Variants in IRF2BPL observed in about 807,000 individuals in gnomAD.
IRF2BPL encodes the protein interferon regulatory factor 2 binding protein like, also known as probable E3 ubiquitin-protein ligase IRF2BPL.
In IRF2BPL, 13 loss-of-function variants were observed where a neutral mutation model predicts 51.2. That is an observed-to-expected ratio of 0.25 (90% CI 0.17 to 0.40). IRF2BPL has a LOEUF of 0.40. Ranked by LOEUF, IRF2BPL falls within the 10% of genes least tolerant of loss-of-function variation. The pLI is 1.00. For synonymous variants in IRF2BPL, 768 were observed against 509.2 expected, an observed-to-expected ratio of 1.51 and a Z score of -6.84; for missense variants, 1,210 against 1,111.8, an observed-to-expected ratio of 1.09 and a Z score of -1.26.
chr14:77,026,962 G>C lies in IRF2BPL; in HGVS notation c.831C>G (p.His277Gln). ...SAAVLPPPPP[H>Q]ALGSRGPPTP... ...TCGGGGGCCCACGGCTGCCCAGGGC[G>C]TGGGGAGGGGGTGGGGGGAGTACCG... Residue 277 changes from histidine (H) to glutamine (Q), a missense_variant, in exon 1 of 1, where the codon CAC becomes CAG. Physicochemically the swap from His to Gln is conservative, Grantham distance 24. Transcript: ENST00000238647. The C allele has an allele frequency of 3.4e-6, 5 of 1,466,218 alleles. No homozygotes were observed. Among genetic ancestry groups the C allele is most frequent in the Non-Finnish European group, 4.5e-6 (5 of 1,109,598 alleles). The allele number at this position is 1,466,218 out of a possible 1,614,324, so 90.8% of individuals were successfully genotyped here.
chr14:77,027,046 C>G lies in IRF2BPL; in HGVS notation c.747G>C (p.Gln249His). Residue 249 changes from glutamine (Q) to histidine (H), a missense_variant, in exon 1 of 1, where the codon CAG (glutamine) becomes CAC (histidine). Coordinates refer to ENST00000238647, the MANE Select transcript of IRF2BPL (RefSeq NM_024496.4). ...GTAGCAGGTTGGGGGGCACGGTGAG[C>G]TGGGGGCCTCCGCCACCCCCCGGGT... ...LPNPGGGGGP[Q>H]LTVPPNLLPQ... 1 of 1,557,358 alleles carries G rather than the reference C, an allele frequency of 6.4e-7. No homozygotes were observed. Among genetic ancestry groups the G allele is most frequent in the Non-Finnish European group, 8.7e-7 (1 of 1,153,330 alleles).
rs750077696 is a variant in IRF2BPL at position 77,027,430 on chromosome 14, CTGCTGCTGCTGCTGCTGCTGT to C, written c.342_362del (p.Gln121_Gln127del). The C allele has an allele frequency of 8.5e-5, 118 of 1,395,158 alleles. 3 individuals are homozygous for C. Among genetic ancestry groups the C allele is most frequent in the Middle Eastern group, 5.0e-4 (2 of 4,028 alleles). The allele number at this position is 1,395,158 out of a possible 1,614,324, so 86.4% of individuals were successfully genotyped here. ...GGTTGAGCTGTTGTTGCTGCTGCTG[CTGCTGCTGCTGCTGCTGCTGT>C]TGCTGCTGCTGCTGCTGCTGTTGCT... On this transcript the variant is annotated inframe_deletion, in exon 1 of 1. Coordinates refer to ENST00000238647, the MANE Select transcript of IRF2BPL (RefSeq NM_024496.4).
rs1364230544 is a variant in IRF2BPL at position 77,025,534 on chromosome 14, G to A, written c.2259C>T (p.Thr753=). 2 of 1,613,902 alleles carry A rather than the reference G, an allele frequency of 1.2e-6. No individual in the cohort carries two copies. The highest frequency in any genetic ancestry group is 1.7e-6 in the Non-Finnish European group (2 of 1,179,890). Residue 753 remains threonine, a synonymous_variant, in exon 1 of 1, where the codon ACC becomes ACT. Coordinates refer to ENST00000238647, the MANE Select transcript of IRF2BPL (RefSeq NM_024496.4). The part of the protein sequence containing the change: ...SRESIKAQGA[T]GEVYCPSGEK... ...CTCCGCTGGGGCAATACACCTCGCC[G>A]GTGGCCCCCTGGGCCTTGATACTCT...
chr14:77,027,635 G>A lies in IRF2BPL; in HGVS notation c.158C>T (p.Thr53Ile). Residue 53 changes from threonine (T) to isoleucine (I), a missense_variant, in exon 1 of 1, where the codon ACA becomes ATA. Thr to Ile is a moderately conservative substitution (Grantham distance 89, BLOSUM62 -1). Transcript: ENST00000238647. ...GADRIEFVIETARQLKRAHGC... is the reference protein window; with the variant it reads ...GADRIEFVIEIARQLKRAHGC... ...GTGCGCCCGCTTCAGCTGGCGCGCT[G>A]TCTCGATCACGAATTCGATGCGATC... The A allele has an allele frequency of 1.2e-6, 2 of 1,609,628 alleles. No individual in the cohort carries two copies. The highest frequency in any genetic ancestry group is 1.7e-6 in the Non-Finnish European group (2 of 1,178,694).
rs1885076778 is a variant in IRF2BPL, at chr14:77,025,261, G to A, written c.*141C>T. On this transcript the variant is annotated 3_prime_UTR_variant, in exon 1 of 1. Coordinates refer to ENST00000238647, the MANE Select transcript of IRF2BPL (RefSeq NM_024496.4). The stretch of plus-strand genomic sequence containing the variant: ...CGACGAAAATAATGTCTATACATAA[G>A]ACTAACTTTTTGCAGTTTCGTTATA... 9.3e-6 allele frequency: 5 copies of A among 537,292 alleles called. No homozygotes were observed. Among genetic ancestry groups the A allele is most frequent in the Middle Eastern group, 3.9e-4 (1 of 2,580 alleles). 33.3% of individuals were successfully genotyped at this position (537,292 alleles called of 1,614,324 possible).
At position 77,025,074 on chromosome 14, in the gene IRF2BPL, G is replaced by C. The variant is rs1885070050; in HGVS notation, c.*328C>G. 5.4e-6 allele frequency: 1 copy of C among 184,214 alleles called. No homozygotes were observed. Among genetic ancestry groups the C allele is most frequent in the Non-Finnish European group, 1.1e-5 (1 of 90,524 alleles). 11.4% of individuals were successfully genotyped at this position (184,214 alleles called of 1,614,324 possible). ...AAAATACACACCAGCAGCAGTCGTT[G>C]CTAAGGGCTATTAATTCTGTACCTA... On this transcript the variant is annotated 3_prime_UTR_variant, in exon 1 of 1. Transcript: ENST00000238647.
rs1270831215 is a variant in IRF2BPL at position 77,027,019 on chromosome 14, C to T, written c.774G>A (p.Pro258=). 3.9e-6 allele frequency: 6 copies of T among 1,525,304 alleles called. No homozygotes were observed. The highest frequency in any genetic ancestry group is 5.3e-6 in the Non-Finnish European group (6 of 1,137,544). The allele number at this position is 1,525,304 out of a possible 1,614,324, so 94.5% of individuals were successfully genotyped here. ...TGGCCGGGCCGTTAAGCAGCGTCTG[C>T]GGTAGCAGGTTGGGGGGCACGGTGA... is the stretch of plus-strand genomic sequence containing the variant. The part of the protein sequence containing the change: ...PQLTVPPNLL[P]QTLLNGPASA... Residue 258 remains proline, a synonymous_variant, in exon 1 of 1, where the codon CCG becomes CCA. Transcript: ENST00000238647.
rs1185661347 is a variant in IRF2BPL at position 77,025,735 on chromosome 14, C to T, written c.2058G>A (p.Pro686=). Residue 686 remains proline, a synonymous_variant, in exon 1 of 1, where the codon CCG becomes CCA. Transcript: ENST00000238647. ...CCATGCCCGGGTGGGCGCTAGGCGG[C>T]GGGGGCGCCACCTGTAAATTCAGGT... ...NGDLNLQVAP[P]PPSAHPGMDQ... is the part of the protein sequence containing the mutation. 3 of 1,580,834 alleles carry T rather than the reference C, an allele frequency of 1.9e-6. No homozygotes were observed. The highest frequency in any genetic ancestry group is 2.6e-6 in the Non-Finnish European group (3 of 1,162,678).
chr14:77,026,734 G>T lies in IRF2BPL; in HGVS notation c.1059C>A (p.Ala353=). The T allele has an allele frequency of 1.2e-6, 2 of 1,612,514 alleles. No homozygotes were observed. Among genetic ancestry groups the T allele is most frequent in the Non-Finnish European group, 1.7e-6 (2 of 1,179,788 alleles). Residue 353 remains alanine (A), a synonymous_variant, in exon 1 of 1, where the codon GCC becomes GCA. Coordinates refer to ENST00000238647, the MANE Select transcript of IRF2BPL (RefSeq NM_024496.4). ...ELKEKQRNAE[A]LAELSESLRN... ...GCAGGCTCTCGCTCAGCTCGGCCAGGGCCTCGGCGTTGCGCTGCTTCTCCT... is the reference window on the plus strand; with the variant it reads ...GCAGGCTCTCGCTCAGCTCGGCCAGTGCCTCGGCGTTGCGCTGCTTCTCCT...
rs918815929 is a variant in IRF2BPL at position 77,025,283 on chromosome 14, T to C, written c.*119A>G. 2 of 631,062 alleles carry C rather than the reference T, an allele frequency of 3.2e-6. No individual in the cohort carries two copies. Among genetic ancestry groups the C allele is most frequent in the Admixed American group, 3.4e-5 (1 of 29,588 alleles). The allele number at this position is 631,062 out of a possible 1,614,324, so 39.1% of individuals were successfully genotyped here. ...TAAGACTAACTTTTTGCAGTTTCGT[T>C]ATATTCACAATTCTACACCTTGGGG... On this transcript the variant is annotated 3_prime_UTR_variant, in exon 1 of 1. Transcript: ENST00000238647.
At position 77,027,785 on chromosome 14, in the gene IRF2BPL, G is replaced by A. The variant is rs1211314286; in HGVS notation, c.8C>T (p.Ala3Val). The part of the protein sequence containing the change: MS[A>V]AQVSSSRRQS... The stretch of plus-strand genomic sequence containing the variant: ...TCTCCGGGACGAGGACACCTGCGCC[G>A]CCGACATGATGCCTGCCCTGGGGAA... Residue 3 changes from alanine (A) to valine (V), a missense_variant, in exon 1 of 1, where the codon GCG (alanine) becomes GTG (valine). Transcript: ENST00000238647. The A allele has an allele frequency of 1.9e-6, 3 of 1,573,816 alleles. No individual in the cohort carries two copies. Among genetic ancestry groups the A allele is most frequent in the South Asian group, 1.1e-5 (1 of 87,324 alleles).
rs942178981 is a variant in IRF2BPL at position 77,027,900 on chromosome 14, G to A, written c.-108C>T. ...AGGGAGTCCGACTGCGGGGGAGGGA[G>A]GAGGGGGGGCGAGAAAGTTCTGCCC... On this transcript the variant is annotated 5_prime_UTR_variant, in exon 1 of 1. Coordinates refer to ENST00000238647, the MANE Select transcript of IRF2BPL (RefSeq NM_024496.4). 1.1e-5 allele frequency: 15 copies of A among 1,320,860 alleles called. No individual in the cohort carries two copies. The highest frequency in any genetic ancestry group is 3.1e-5 in the African/African-American group (2 of 65,190). The allele number at this position is 1,320,860 out of a possible 1,614,324, so 81.8% of individuals were successfully genotyped here. A position where few individuals can be genotyped will look rare whatever the true frequency, so the allele number is the denominator to read the frequency against.
chr14:77,026,840 G>C lies in IRF2BPL; in HGVS notation c.953C>G (p.Ser318Trp), dbSNP rs147559103. 2 of 1,609,492 alleles carry C rather than the reference G, an allele frequency of 1.2e-6. No homozygotes were observed. Among genetic ancestry groups the C allele is most frequent in the Non-Finnish European group, 1.7e-6 (2 of 1,178,266 alleles). Residue 318 changes from serine (S) to tryptophan (W), a missense_variant, in exon 1 of 1, where the codon TCG becomes TGG. By Grantham distance (177) the Ser-to-Trp change is radical (BLOSUM62 -3). Coordinates refer to ENST00000238647, the MANE Select transcript of IRF2BPL (RefSeq NM_024496.4). ...TSSSASSSTS[S>W]SVAEVGVGAG... ...ACCCACGCCCACCTCTGCCACCGACGAAGAGGTCGAAGACGACGCGGAGGA... is the reference window on the plus strand; with the variant it reads ...ACCCACGCCCACCTCTGCCACCGACCAAGAGGTCGAAGACGACGCGGAGGA...
In IRF2BPL at chr14:77,027,419, TGCTGC is replaced by T. The variant is rs1191906383; in HGVS notation, c.369_373del (p.Gln124ThrfsTer7). On this transcript the variant is annotated frameshift_variant, in exon 1 of 1. Transcript: ENST00000238647. LOFTEE classifies it high-confidence loss of function. Reference sequence around the variant, plus strand: ...ACCATCAACGTGGTTGAGCTGTTGTTGCTGCTGCTGCTGCTGCTGCTGCTGCTGCT... The same window carrying T: ...ACCATCAACGTGGTTGAGCTGTTGTTTGCTGCTGCTGCTGCTGCTGCTGCT... 1 of 197,356 alleles carries T rather than the reference TGCTGC, an allele frequency of 5.1e-6. No individual in the cohort carries two copies. The highest frequency in any genetic ancestry group is 6.9e-6 in the Non-Finnish European group (1 of 145,240). 12.2% of individuals were successfully genotyped at this position (197,356 alleles called of 1,614,324 possible).
chr14:77,027,079 C>T lies in IRF2BPL; in HGVS notation c.714G>A (p.Gly238=), dbSNP rs2140378471. 1.9e-6 allele frequency: 3 copies of T among 1,603,958 alleles called. No homozygotes were observed. Among genetic ancestry groups the T allele is most frequent in the Non-Finnish European group, 2.5e-6 (3 of 1,176,518 alleles). ...RRGTHGGLVT[G]LPNPGGGGGP... ...CTCCGCCACCCCCCGGGTTGGGCAG[C>T]CCCGTAACCAGCCCACCGTGCGTTC... The change falls in exon 1 of 1, where the codon GGG becomes GGA. Residue 238 remains glycine, a synonymous_variant. Coordinates refer to ENST00000238647, the MANE Select transcript of IRF2BPL (RefSeq NM_024496.4).
rs1168326379 is a variant in IRF2BPL at position 77,028,488 on chromosome 14, G to C, written c.-696C>G. Reference sequence around the variant, plus strand: ...ACGAGAGCAGAGGAGAGGAGTGCACGCACGCAGGCTCCCGCCGCCCCCAGG... The same window carrying C: ...ACGAGAGCAGAGGAGAGGAGTGCACCCACGCAGGCTCCCGCCGCCCCCAGG... On this transcript the variant is annotated 5_prime_UTR_variant, in exon 1 of 1. Coordinates refer to ENST00000238647, the MANE Select transcript of IRF2BPL (RefSeq NM_024496.4). 3.3e-6 allele frequency: 1 copy of C among 307,506 alleles called. No individual in the cohort carries two copies. Among genetic ancestry groups the C allele is most frequent in the African/African-American group, 2.2e-5 (1 of 45,342 alleles). 19.0% of individuals were successfully genotyped at this position (307,506 alleles called of 1,614,324 possible). A position where few individuals can be genotyped will look rare whatever the true frequency, so the allele number is the denominator to read the frequency against.
chr14:77,028,142 T>G lies in IRF2BPL; in HGVS notation c.-350A>C. 4.0e-6 allele frequency: 1 copy of G among 250,896 alleles called. No homozygotes were observed. 15.5% of individuals were successfully genotyped at this position (250,896 alleles called of 1,614,324 possible). ...GGGAGGGGGCGAGGGTGCCCGGTGG[T>G]GGCCGCCGTTGCCTCTTGGCCCCCT... On this transcript the variant is annotated 5_prime_UTR_variant, in exon 1 of 1. Transcript: ENST00000238647.
Position 77,026,967 on chromosome 14 carries a change from G to A in IRF2BPL, c.826C>T (p.Pro276Ser), listed in dbSNP as rs1885146192. ...ASAAVLPPPP[P>S]HALGSRGPPT... ...GGCCCACGGCTGCCCAGGGCGTGGG[G>A]AGGGGGTGGGGGGAGTACCGCAGCG... Residue 276 changes from proline (P) to serine (S), a missense_variant, in exon 1 of 1, where the codon CCC becomes TCC. Coordinates refer to ENST00000238647, the MANE Select transcript of IRF2BPL (RefSeq NM_024496.4). 3 of 1,466,046 alleles carry A rather than the reference G, an allele frequency of 2.0e-6. No homozygotes were observed. Among genetic ancestry groups the A allele is most frequent in the African/African-American group, 2.8e-5 (2 of 70,494 alleles). 90.8% of individuals were successfully genotyped at this position (1,466,046 alleles called of 1,614,324 possible).
In IRF2BPL at chr14:77,027,286, G is replaced by A; in HGVS notation, c.507C>T (p.Ser169=). The part of the protein sequence containing the change: ...AAAAAAVEQR[S]RFEYPPPPVS... ...CCGGCGGTGGCGGGTACTCGAAGCG[G>A]CTGCGCTGTTCCACCGCAGCGGCGG... The change falls in exon 1 of 1, where the codon AGC becomes AGT. Residue 169 remains serine, a synonymous_variant. Coordinates refer to ENST00000238647, the MANE Select transcript of IRF2BPL (RefSeq NM_024496.4). The A allele has an allele frequency of 1.3e-6, 2 of 1,577,106 alleles. No individual in the cohort carries two copies. Among genetic ancestry groups the A allele is most frequent in the African/African-American group, 1.4e-5 (1 of 72,086 alleles).
Sources: gnomAD v4.1 joint callset for allele counts on GRCh38, gnomAD v4.1.1 for gene constraint, MANE v1.5 for transcripts, NCBI Gene and HGNC (gene_info 2026-07-23, HGNC 2026-07-21) for gene names.